Variants in INTS9 observed in about 807,000 individuals in gnomAD.
INTS9 encodes the protein protein related to CPSF subunits of 74 kDa.
A neutral mutation model predicts 79.7 loss-of-function variants in INTS9; 55 were observed. The ratio of observed to expected loss-of-function variants is 0.69; its 90% confidence interval spans 0.56 to 0.86. The LOEUF (loss-of-function observed/expected upper bound fraction) is 0.86. Among genes scored for constraint, INTS9 ranks in the 40% least tolerant of loss-of-function variants. The pLI, the probability that INTS9 is intolerant of heterozygous loss-of-function variation, is 0.00. For synonymous variants in INTS9, 319 were observed against 325.2 expected (o/e 0.98, Z 0.20); for missense variants, 721 against 831.5 (o/e 0.87, Z 1.64).
At chr8:28,822,686 T>C (rs1037512519) in intron 6 of INTS9, among the ~76,000 whole-genome samples, 1 of 152,128 alleles carries the variant, frequency 6.6e-6, no homozygotes, top group Admixed American at 6.5e-5. Context: ...AGGTACAAAC[T>C]AAAGATCTAG....
chr8:28,811,673 G>A (rs751207015), intron 8 of INTS9, among the ~76,000 whole-genome samples: 10 of 151,960 alleles, frequency 6.6e-5, no homozygotes, highest in African/African-American at 1.2e-4. Context: ...ATCCCATTTC[G>A]GCCTCCCAAA....
intron 3 of INTS9, 132 bp downstream of exon 3, chr8:28,850,081 T>C: frequency 1.6e-6 from 1 of 640,788 alleles, no homozygotes. Flanking sequence ...GACCCTAGCA[T>C]AGATCTTGGG....
At chr8:28,844,699 C>T (rs935029887) in intron 4 of INTS9, among the ~76,000 whole-genome samples, 3 of 152,004 alleles carry the variant, frequency 2.0e-5, no homozygotes, top group Non-Finnish European at 2.9e-5. Flanking sequence ...ACCTGTAATC[C>T]CAGCTACTCG....
intron 4 of INTS9, among the ~76,000 whole-genome samples, chr8:28,840,960 A>G (rs1432916659): frequency 7.0e-6 from 1 of 143,508 alleles, no homozygotes; most frequent in South Asian, 2.2e-4. Flanking sequence ...TAAATAAAGT[A>G]AAAAAAAAAA....
At chr8:28,862,154 C>G in intron 1 of INTS9, 1 of 985,428 alleles carries the variant, frequency 1.0e-6, no homozygotes, top group East Asian at 1.1e-4. Context: ...GCTCTTTGTG[C>G]AATTCCAGTT....
At chr8:28,838,553 T>C (rs1443683424) in intron 4 of INTS9, among the ~76,000 whole-genome samples, 1 of 152,202 alleles carries the variant, frequency 6.6e-6, no homozygotes, top group Non-Finnish European at 1.5e-5. Context: ...GTCTTCCTGA[T>C]TTGCTCAGAT....
intron 11 of INTS9, among the ~76,000 whole-genome samples, chr8:28,785,606 T>C (rs1443385394): frequency 6.6e-6 from 1 of 152,216 alleles, no homozygotes; most frequent in Non-Finnish European, 1.5e-5. Context: ...TCTTACAGCC[T>C]CATCTTGTAT....
chr8:28,824,097 T>A (rs977242022), intron 6 of INTS9, among the ~76,000 whole-genome samples: 1 of 152,206 alleles, frequency 6.6e-6, no homozygotes, highest in African/African-American at 2.4e-5. Context: ...TTAAGTCACA[T>A]AAGGGGAATG....
At chr8:28,884,781 A>G (rs910719339) in intron 1 of INTS9, among the ~76,000 whole-genome samples, 4 of 152,230 alleles carry the variant, frequency 2.6e-5, no homozygotes, top group Admixed American at 1.3e-4. Flanking sequence ...AAGACAGTGA[A>G]GTCAAGCTGA....
rs117880997 is a variant in INTS9 at position 28,847,268 on chromosome 8, T to C, written c.199-459A>G. Among the ~76,000 whole-genome samples, 163 of 152,342 alleles carry C rather than the reference T, an allele frequency of 1.1e-3. 3 individuals are homozygous for C. The East Asian group carries it at 0.022, about 21-fold the overall frequency. On this transcript the variant is annotated intron_variant, in intron 3 of 16. Coordinates refer to ENST00000521022, the MANE Select transcript of INTS9 (RefSeq NM_018250.4). The stretch of plus-strand genomic sequence containing the variant: ...ACAAGCACCTCCAGTGATCCTGTTA[T>C]GCTGTCAGGTTAGGAGTCACAACCC...
chr8:28,842,649 G>A (rs371978685), intron 4 of INTS9, among the ~76,000 whole-genome samples: 1 of 151,842 alleles, frequency 6.6e-6, no homozygotes, highest in African/African-American at 2.4e-5. Context: ...TCCATATCTT[G>A]AAACGTTTCA....
Position 28,770,969 on chromosome 8 carries a change from C to T in INTS9, c.1662+13G>A, listed in dbSNP as rs774974325. The T allele has an allele frequency of 6.2e-7, 1 of 1,608,644 alleles. No homozygotes were observed. The highest frequency in any genetic ancestry group is 8.5e-7 in the Non-Finnish European group (1 of 1,176,962). On this transcript the variant is annotated intron_variant, in intron 15 of 16. Coordinates refer to ENST00000521022, the MANE Select transcript of INTS9 (RefSeq NM_018250.4). ...GGAGAGGGTCCCCTGCACTCCCACC[C>T]AGCACCCCCTACCTGAAGCAAGTGC...
At chr8:28,876,154 G>C (rs1471564270) in intron 1 of INTS9, among the ~76,000 whole-genome samples, 3 of 152,082 alleles carry the variant, frequency 2.0e-5, no homozygotes, top group African/African-American at 7.2e-5. Context: ...GCCTATCTCT[G>C]AAGTACAGAG....
At chr8:28,786,093 A>G (rs946442696) in intron 11 of INTS9, among the ~76,000 whole-genome samples, 5 of 152,182 alleles carry the variant, frequency 3.3e-5, no homozygotes, top group African/African-American at 1.2e-4. Flanking sequence ...TGTAAATAAA[A>G]TCATACCATA....
intron 6 of INTS9, among the ~76,000 whole-genome samples, chr8:28,819,035 TTCTC>T (rs1438803777): frequency 3.3e-5 from 5 of 152,184 alleles, no homozygotes; most frequent in African/African-American, 4.8e-5. Context: ...TATTTGATTC[TTCTC>T]TCTTTTCTTC....
intron 14 of INTS9, 66 bp downstream of exon 14, chr8:28,775,693 C>T: frequency 1.3e-6 from 2 of 1,528,916 alleles, no homozygotes. Flanking sequence ...GAAGGCCACC[C>T]CTGCACGATC....
chr8:28,794,023 T>C, intron 9 of INTS9, 36 bp from the exon 10 acceptor site: 1 of 1,469,776 alleles, frequency 6.8e-7, no homozygotes, highest in Admixed American at 2.1e-5. Flanking sequence ...AAAAACATCA[T>C]ATCAAAAGGG....
intron 4 of INTS9, among the ~76,000 whole-genome samples, chr8:28,842,772 A>C (rs1404253508): frequency 6.6e-6 from 1 of 152,158 alleles, no homozygotes; most frequent in African/African-American, 2.4e-5. Flanking sequence ...TTTAGCAGGA[A>C]TTTATTTATT....
chr8:28,874,999 G>A (rs1470785914), intron 1 of INTS9, among the ~76,000 whole-genome samples: 4 of 152,160 alleles, frequency 2.6e-5, no homozygotes, highest in Non-Finnish European at 4.4e-5. Flanking sequence ...GATGTCAGCA[G>A]GCAAAGAGAG....
Sources: gnomAD v4.1 joint callset for allele counts (sites outside exome capture counted in the v4.1 genomes callset) on GRCh38, gnomAD v4.1.1 for gene constraint, MANE v1.5 for transcripts, NCBI Gene and HGNC (gene_info 2026-07-23, HGNC 2026-07-21) for gene names.